Variants in CBX3 observed in about 807,000 individuals in gnomAD.
CBX3 encodes the protein chromobox 3.
A neutral mutation model predicts 22.6 loss-of-function variants in CBX3; 5 were observed. The observed-to-expected ratio is 0.22, with a 90% CI of 0.12 to 0.47. The LOEUF is 0.47. Among genes scored for constraint, CBX3 ranks in the 20% least tolerant of loss-of-function variants. CBX3 has a pLI of 0.99. For missense variants in CBX3, 83 were observed against 208.1 expected (o/e 0.40, Z 3.70); for synonymous variants, 50 against 66.6 (o/e 0.75, Z 1.21).
In CBX3 at chr7:26,208,917, C is replaced by CTTTTTTTTTTTTTTT. The variant is rs59657982; in HGVS notation, c.330+382_330+396dup. ...GTAGGCATGAGCCACCACGCCTGGC[C>CTTTTTTTTTTTTTTT]TTTTTTTTTTTTTTTTTTTTTTTTT... On this transcript the variant is annotated intron_variant, in intron 4 of 5. Coordinates refer to ENST00000396386, the MANE Select transcript of CBX3 (RefSeq NM_016587.4). Among the ~76,000 whole-genome samples the CTTTTTTTTTTTTTTT allele has an allele frequency of 1.1e-4, 3 of 27,938 alleles. 1 individual carries two copies. Among genetic ancestry groups the CTTTTTTTTTTTTTTT allele is most frequent in the African/African-American group, 1.7e-4 (1 of 5,730 alleles). 18.3% of individuals were successfully genotyped at this position (27,938 alleles called of 152,430 possible). A position where few individuals can be genotyped will look rare whatever the true frequency, so the allele number is the denominator to read the frequency against.
chr7:26,213,384 T>C lies in CBX3; in HGVS notation c.*1176T>C, dbSNP rs893896515. ...ATTAGACTTTTTTCTTTATTTGATA[T>C]GCCTTTACAGTAGAAATAGAAATGC... is the stretch of plus-strand genomic sequence containing the variant. On this transcript the variant is annotated 3_prime_UTR_variant, in exon 6 of 6. Coordinates refer to ENST00000396386, the MANE Select transcript of CBX3 (RefSeq NM_016587.4). 1 of 141,708 alleles carries C rather than the reference T, an allele frequency of 7.1e-6. No individual in the cohort carries two copies. The highest frequency in any genetic ancestry group is 2.2e-4 in the South Asian group (1 of 4,494). The allele number at this position is 141,708 out of a possible 1,614,324, so 8.8% of individuals were successfully genotyped here. A position where few individuals can be genotyped will look rare whatever the true frequency, so the allele number is the denominator to read the frequency against.
intron 2 of CBX3, among the ~76,000 whole-genome samples, chr7:26,203,494 T>A (rs1784600428): frequency 6.6e-6 from 1 of 152,230 alleles, no homozygotes. Flanking sequence ...TTTATCTTGT[T>A]TTAACTTACT....
At chr7:26,207,073 C>T (rs988891886) in intron 3 of CBX3, among the ~76,000 whole-genome samples, 4 of 152,120 alleles carry the variant, frequency 2.6e-5, no homozygotes, top group Admixed American at 6.5e-5. Flanking sequence ...CATACTTTAA[C>T]GCTTGGGGTT....
intron 4 of CBX3, among the ~76,000 whole-genome samples, chr7:26,211,298 A>C (rs1294721048): frequency 6.6e-6 from 1 of 152,190 alleles, no homozygotes; most frequent in Non-Finnish European, 1.5e-5. Context: ...TGTGTCAGTA[A>C]TTCAGACTAA....
intron 4 of CBX3, among the ~76,000 whole-genome samples, chr7:26,211,435 A>G (rs1221133050): frequency 6.6e-6 from 1 of 152,066 alleles, no homozygotes; most frequent in Non-Finnish European, 1.5e-5. Flanking sequence ...AATTTTCTTG[A>G]CTTTTTATTC....
intron 2 of CBX3, 73 bp downstream of exon 2, chr7:26,203,095 C>A: frequency 4.3e-6 from 4 of 921,994 alleles, no homozygotes; most frequent in Non-Finnish European, 4.9e-6. Flanking sequence ...AACTTTGCAT[C>A]TCTGTGGCTG....
intron 2 of CBX3, 75 bp downstream of exon 2, chr7:26,203,097 C>G: frequency 2.2e-6 from 2 of 902,314 alleles, no homozygotes; most frequent in East Asian, 3.7e-5. Flanking sequence ...CTTTGCATCT[C>G]TGTGGCTGAG....
In CBX3 at chr7:26,203,565, G is replaced by T. The variant is rs563818011; in HGVS notation, c.24+543G>T. Among the ~76,000 whole-genome samples the T allele has an allele frequency of 7.9e-5, 12 of 152,106 alleles. No individual in the cohort carries two copies. The South Asian group carries it at 2.3e-3, about 29-fold the overall frequency. On this transcript the variant is annotated intron_variant, in intron 2 of 5. Transcript: ENST00000396386. ...CAGTGTTTTGTTTTTTAAACAAAAT[G>T]ATCGAAATCGCAAATATGAGCCAGA...
At chr7:26,207,436 C>T (rs536599038) in intron 3 of CBX3, among the ~76,000 whole-genome samples, 4 of 152,296 alleles carry the variant, frequency 2.6e-5, no homozygotes, top group African/African-American at 7.2e-5. Flanking sequence ...GAATGGGCTC[C>T]TCCCTCTTCT....
chr7:26,201,928 T>C (rs1190721745), intron 1 of CBX3, 102 bp downstream of exon 1: 2 of 150,162 alleles, frequency 1.3e-5, no homozygotes, highest in Non-Finnish European at 3.0e-5. Context: ...CCTCCCCTTC[T>C]CGCCGGACCC....
intron 2 of CBX3, among the ~76,000 whole-genome samples, chr7:26,203,932 T>C (rs1419905988): frequency 6.6e-6 from 1 of 152,234 alleles, no homozygotes; most frequent in Non-Finnish European, 1.5e-5. Context: ...ACAGAAGTTG[T>C]TTTTGCACGC....
intron 1 of CBX3, chr7:26,202,294 G>T (rs1019861666): frequency 6.6e-6 from 1 of 152,106 alleles, no homozygotes; most frequent in Non-Finnish European, 1.5e-5. Context: ...AGGCGCGTGC[G>T]GTGTGGCGCA....
chr7:26,203,645 G>T (rs10277455), intron 2 of CBX3, among the ~76,000 whole-genome samples: 15,444 of 151,860 alleles, frequency 0.1, 1,220 homozygotes, highest in African/African-American at 0.21. Flanking sequence ...CATGTTACAA[G>T]TTTTTTTAAA....
chr7:26,206,120 G>A (rs1784669986), intron 2 of CBX3: 1 of 375,076 alleles, frequency 2.7e-6, no homozygotes, highest in African/African-American at 2.1e-5. Flanking sequence ...AAAAATAACT[G>A]TTTCCAGATA....
At chr7:26,211,474 T>C (rs1458606467) in intron 4 of CBX3, among the ~76,000 whole-genome samples, 188 bp from the exon 5 acceptor site, 1 of 152,204 alleles carries the variant, frequency 6.6e-6, no homozygotes, top group East Asian at 1.9e-4. Flanking sequence ...TTAAGTATTC[T>C]ACGTTGAGTA....
In CBX3 at chr7:26,212,615, T is replaced by A. The variant is rs1414982325; in HGVS notation, c.*407T>A. On this transcript the variant is annotated 3_prime_UTR_variant, in exon 6 of 6. Transcript: ENST00000396386. The stretch of plus-strand genomic sequence containing the variant: ...GTGTGTGTGTGTGTGTGTGTGTGTA[T>A]CCATAAAATGCATATGTAAATTTTT... 1 of 152,038 alleles carries A rather than the reference T, an allele frequency of 6.6e-6. No homozygotes were observed. The highest frequency in any genetic ancestry group is 1.5e-5 in the Non-Finnish European group (1 of 68,046). 9.4% of individuals were successfully genotyped at this position (152,038 alleles called of 1,614,324 possible). A position where few individuals can be genotyped will look rare whatever the true frequency, so the allele number is the denominator to read the frequency against.
intron 2 of CBX3, 43 bp downstream of exon 2, chr7:26,203,065 G>GT (rs752263336): frequency 7.9e-5 from 115 of 1,449,890 alleles, no homozygotes; most frequent in Non-Finnish European, 9.5e-5. Context: ...TTTAACTCAA[G>GT]TTTTTTTTCC....
At chr7:26,202,890 G>A in intron 1 of CBX3, 81 bp from the exon 2 acceptor site, 1 of 840,998 alleles carries the variant, frequency 1.2e-6, no homozygotes, top group Non-Finnish European at 2.0e-6. Context: ...CTACTTGGGG[G>A]TTGGAATCCA....
At chr7:26,210,001 C>T (rs1423727140) in intron 4 of CBX3, 2 of 152,238 alleles carry the variant, frequency 1.3e-5, no homozygotes, top group South Asian at 2.1e-4. Flanking sequence ...TCAACAGAAG[C>T]AGTTTTGGCC....
Sources: allele counts gnomAD v4.1 joint callset (sites outside exome capture counted in the v4.1 genomes callset), GRCh38; gene constraint gnomAD v4.1.1; transcripts MANE v1.5; gene names NCBI Gene and HGNC (gene_info 2026-07-23, HGNC 2026-07-21).